WDSUB1: variants seen among roughly 807,000 people sequenced by gnomAD.
WDSUB1 encodes WD repeat, sterile alpha motif and U-box domain containing 1, also known as WD repeat, SAM and U-box domain-containing protein 1.
A neutral mutation model predicts 53.9 loss-of-function variants in WDSUB1; 49 were observed. The ratio of observed to expected loss-of-function variants is 0.91; its 90% CI spans 0.72 to 1.15. The LOEUF is 1.15. WDSUB1 is among the 50% of genes most tolerant of loss of function. WDSUB1 has a pLI of 0.00. For missense variants in WDSUB1, 514 were observed against 562.0 expected (o/e 0.91, Z 0.86); for synonymous variants, 194 against 200.6 (o/e 0.97, Z 0.28).
rs1034271484 is a variant in WDSUB1, at chr2:159,280,507, C to A, written c.399-562G>T. The stretch of plus-strand genomic sequence containing the variant: ...GAGATCGAGACCATCCCGGCTAAAA[C>A]GGTGAAACCCCGTCTCTACTAAAAA... On this transcript the variant is annotated intron_variant, in intron 2 of 10. Coordinates refer to ENST00000359774, the MANE Select transcript of WDSUB1 (RefSeq NM_001128212.3). Among the ~76,000 whole-genome samples, 241 of 150,270 alleles carry A rather than the reference C, an allele frequency of 1.6e-3. 4 individuals are homozygous for A. The highest frequency in any genetic ancestry group is 0.014 in the Admixed American group (208 of 15,116).
At position 159,248,474 on chromosome 2, in the gene WDSUB1, C is replaced by T. The variant is rs1384502078; in HGVS notation, c.1171G>A (p.Glu391Lys). ...GATTTAACCTTGGTCCTGAGCTCTTCAATTTTCCTCAGCACTTTACTACGC... is the reference window on the plus strand; with the variant it reads ...GATTTAACCTTGGTCCTGAGCTCTTTAATTTTCCTCAGCACTTTACTACGC... ...GLRSKVLRKI[E>K]ELRTKVKSLS... Residue 391 changes from glutamate to lysine, a missense_variant, in exon 10 of 11, where the codon GAA becomes AAA. Coordinates refer to ENST00000359774, the MANE Select transcript of WDSUB1 (RefSeq NM_001128212.3). The T allele has an allele frequency of 3.2e-6, 5 of 1,577,512 alleles. No individual in the cohort carries two copies. Among genetic ancestry groups the T allele is most frequent in the Admixed American group, 2.0e-5 (1 of 50,772 alleles).
At position 159,237,520 on chromosome 2, in the gene WDSUB1, CA is replaced by C. The variant is rs879593540; in HGVS notation, c.1274-1331del. The stretch of plus-strand genomic sequence containing the variant: ...TGGGTGACAGAGCAAGACTCCATCT[CA>C]AAAAAAAAAAAAGTTACAACTATAA... On this transcript the variant is annotated intron_variant, in intron 10 of 10. Coordinates refer to ENST00000359774, the MANE Select transcript of WDSUB1 (RefSeq NM_001128212.3). 8.0e-3 allele frequency among the ~76,000 whole-genome samples: 1,108 copies of C among 138,276 alleles called. 10 individuals carry two copies. The highest frequency in any genetic ancestry group is 0.024 in the African/African-American group (888 of 37,126). The allele number at this position is 138,276 out of a possible 152,430, so 90.7% of individuals were successfully genotyped here.
Position 159,281,724 on chromosome 2 carries a change from C to G in WDSUB1, c.398+948G>C, listed in dbSNP as rs138506547. ...CAGTGGCTCATACCTGTAATCCCAG[C>G]CCTTTGGGAAGCCAGCTGAAGCGGG... On this transcript the variant is annotated intron_variant, in intron 2 of 10. Transcript: ENST00000359774. 2.2e-4 allele frequency among the ~76,000 whole-genome samples: 33 copies of G among 152,310 alleles called. 2 individuals are homozygous for G. The East Asian group carries it at 6.2e-3, about 29-fold the overall frequency.
rs1438989325 is a variant in WDSUB1 at position 159,261,875 on chromosome 2, TATATATATATATATATATATA to T, written c.771-2053_771-2033del. Among the ~76,000 whole-genome samples the T allele has an allele frequency of 9.9e-3, 153 of 15,496 alleles. 2 individuals carry two copies. The highest frequency in any genetic ancestry group is 0.029 in the African/African-American group (97 of 3,320). The allele number at this position is 15,496 out of a possible 152,430, so 10.2% of individuals were successfully genotyped here. On this transcript the variant is annotated intron_variant, in intron 5 of 10. Transcript: ENST00000359774. Reference sequence around the variant, plus strand: ...ATATATATATATATATATATATATATATATATATATATATATATATATTTTTTTTTTTTTTTTTTTTTTTTT... The same window carrying T: ...ATATATATATATATATATATATATATTTTTTTTTTTTTTTTTTTTTTTTTT...
intron 9 of WDSUB1, among the ~76,000 whole-genome samples, chr2:159,250,998 T>G (rs1336383413): frequency 6.6e-6 from 1 of 151,998 alleles, no homozygotes; most frequent in African/African-American, 2.4e-5. Flanking sequence ...GTGTAGTGGC[T>G]CATGCCTATA....
intron 5 of WDSUB1, among the ~76,000 whole-genome samples, chr2:159,268,845 C>T (rs1176921926): frequency 1.3e-5 from 2 of 151,836 alleles, no homozygotes; most frequent in Non-Finnish European, 2.9e-5. Context: ...AGTGACACCA[C>T]TGAAAAAAAT....
rs77651370 is a variant in WDSUB1 at position 159,252,363 on chromosome 2, A to C, written c.1132+3833T>G. On this transcript the variant is annotated intron_variant, in intron 9 of 10. Transcript: ENST00000359774. ...TTCCAACAAAACAAGATAGCAAGAT[A>C]TCTTCATGAACCCTACAATATACGT... Among the ~76,000 whole-genome samples the C allele has an allele frequency of 6.2e-3, 951 of 152,352 alleles. 11 individuals carry two copies. The highest frequency in any genetic ancestry group is 0.021 in the African/African-American group (879 of 41,576).
At position 159,282,910 on chromosome 2, in the gene WDSUB1, T is replaced by C. The variant is rs1166226062; in HGVS notation, c.160A>G (p.Thr54Ala). 6 of 1,614,028 alleles carry C rather than the reference T, an allele frequency of 3.7e-6. No homozygotes were observed. The highest frequency in any genetic ancestry group is 4.2e-6 in the Non-Finnish European group (5 of 1,180,046). Reference sequence around the variant, plus strand: ...AAACAGCAGCAGTGGACAGCATAGGTATGAAACTTCAATGGAGAATGTGGC... The same window carrying C: ...AAACAGCAGCAGTGGACAGCATAGGCATGAAACTTCAATGGAGAATGTGGC... The part of the protein sequence containing the change: ...ELPHSPLKFH[T>A]YAVHCCCFSP... Residue 54 changes from threonine to alanine, a missense_variant, in exon 2 of 11, where the codon ACC becomes GCC. Thr to Ala is a moderately conservative substitution (Grantham distance 58). Transcript: ENST00000359774.
intron 3 of WDSUB1, among the ~76,000 whole-genome samples, chr2:159,279,492 T>C (rs749599442): frequency 5.3e-5 from 8 of 152,178 alleles, no homozygotes; most frequent in Non-Finnish European, 1.0e-4. Flanking sequence ...TTGTACCAAT[T>C]TGAGCCACCC....
At chr2:159,285,736 C>T (rs527869488) in intron 1 of WDSUB1, among the ~76,000 whole-genome samples, 1 of 152,236 alleles carries the variant, frequency 6.6e-6, no homozygotes, top group African/African-American at 2.4e-5. Flanking sequence ...GCATAAGGAG[C>T]ATGCCTTTCC....
At chr2:159,262,690 G>A (rs962130350) in intron 5 of WDSUB1, among the ~76,000 whole-genome samples, 2 of 152,156 alleles carry the variant, frequency 1.3e-5, no homozygotes, top group Non-Finnish European at 2.9e-5. Flanking sequence ...ATTAGGGTTA[G>A]GGAAAAATAA....
intron 2 of WDSUB1, 50 bp from the exon 3 acceptor site, chr2:159,279,995 T>C: frequency 4.0e-6 from 6 of 1,508,970 alleles, no homozygotes; most frequent in Non-Finnish European, 5.4e-6. Flanking sequence ...TCCTTTACTT[T>C]ATACCACAGT....
intron 5 of WDSUB1, among the ~76,000 whole-genome samples, chr2:159,261,884 ATATATATATATATTTTTTTTTTTT>A (rs2061220919): frequency 9.6e-4 from 19 of 19,706 alleles, no homozygotes; most frequent in Admixed American, 2.0e-3. Context: ...ATATATATAT[ATATATATATATATTTTTTTTTTTT>A]TTTTTTTTTT....
At chr2:159,265,296 C>CAA (rs1386147242) in intron 5 of WDSUB1, among the ~76,000 whole-genome samples, 1 of 34,402 alleles carries the variant, frequency 2.9e-5, no homozygotes, top group Non-Finnish European at 4.0e-5. Context: ...ACACACACCA[C>CAA]ACACACACAC....
At chr2:159,236,307 C>T (rs2060480760) in intron 10 of WDSUB1, 117 bp from the exon 11 acceptor site, 1 of 1,018,522 alleles carries the variant, frequency 9.8e-7, no homozygotes. Context: ...AAGGGTTATT[C>T]CTGTCTTGCT....
chr2:159,261,886 ATATATATATATTTTTTTTTTTTTTTT>A (rs1320298969), intron 5 of WDSUB1, among the ~76,000 whole-genome samples: 124 of 15,096 alleles, frequency 8.2e-3, no homozygotes, highest in Admixed American at 0.012. Flanking sequence ...ATATATATAT[ATATATATATATTTTTTTTTTTTTTTT>A]TTTTTTTTTT....
At chr2:159,243,425 A>G (rs545329166) in intron 10 of WDSUB1, among the ~76,000 whole-genome samples, 1 of 147,008 alleles carries the variant, frequency 6.8e-6, no homozygotes. Flanking sequence ...ACACACACAG[A>G]TAAGTACAAG....
chr2:159,242,302 C>G (rs1484193238), intron 10 of WDSUB1, among the ~76,000 whole-genome samples: 1 of 146,126 alleles, frequency 6.8e-6, no homozygotes, highest in African/African-American at 2.7e-5. Context: ...CATGATCTGC[C>G]CACCTCGGCC....
At chr2:159,258,119 CTT>C in intron 6 of WDSUB1, 134 bp from the exon 7 acceptor site, 1 of 758,782 alleles carries the variant, frequency 1.3e-6, no homozygotes, top group Non-Finnish European at 2.2e-6. Flanking sequence ...TAAGTTGAAA[CTT>C]TACTCAATGA....
Sources: gnomAD v4.1 joint callset for allele counts (sites outside exome capture counted in the v4.1 genomes callset) on GRCh38, gnomAD v4.1.1 for gene constraint, MANE v1.5 for transcripts, NCBI Gene and HGNC (gene_info 2026-07-23, HGNC 2026-07-21) for gene names.